The following ANKS6 variants were observed in gnomAD, a reference collection of about 807,000 sequenced individuals.
The protein encoded by ANKS6 is ankyrin repeat and sterile alpha motif domain containing 6.
ANKS6 carries 47 observed loss-of-function variants against 77.9 expected under a neutral mutation model. The ratio of observed to expected loss-of-function variants is 0.60; its 90% confidence interval spans 0.48 to 0.77. ANKS6 has a LOEUF of 0.77. ANKS6 is among the 30% of genes least tolerant of loss of function. The pLI, the probability that ANKS6 is intolerant of heterozygous loss-of-function variation, is 0.00. For missense variants in ANKS6, 1,150 were observed against 1,159.1 expected (o/e 0.99, Z 0.11); for synonymous variants, 488 against 501.7 (o/e 0.97, Z 0.37).
At chr9:98,796,075 T>C (rs1835158055) in intron 1 of ANKS6, 58 bp downstream of exon 1, 1 of 1,266,806 alleles carries the variant, frequency 7.9e-7, no homozygotes, top group Non-Finnish European at 9.9e-7. Context: ...GGGGACCGCG[T>C]CTCGGGCCAG....
At chr9:98,775,530 T>C (rs1038305333) in intron 8 of ANKS6, among the ~76,000 whole-genome samples, 2 of 152,174 alleles carry the variant, frequency 1.3e-5, no homozygotes, top group Non-Finnish European at 2.9e-5. Context: ...ATGGGAAAGA[T>C]ACTAACAGTG....
chr9:98,780,771 A>G (rs966083505), intron 5 of ANKS6, among the ~76,000 whole-genome samples: 4 of 152,222 alleles, frequency 2.6e-5, no homozygotes, highest in African/African-American at 9.7e-5. Context: ...AGAGCAATAC[A>G]AGTGCTTTAA....
intron 10 of ANKS6, among the ~76,000 whole-genome samples, chr9:98,768,507 C>T (rs889372486): frequency 6.6e-6 from 1 of 152,174 alleles, no homozygotes; most frequent in African/African-American, 2.4e-5. Context: ...CCAGTCCATC[C>T]TCGCTTTCCC....
At position 98,744,351 on chromosome 9, in the gene ANKS6, T is replaced by C. The variant is rs545564511; in HGVS notation, c.2511+1208A>G. Among the ~76,000 whole-genome samples the C allele has an allele frequency of 8.1e-4, 124 of 152,290 alleles. 1 individual carries two copies. The highest frequency in any genetic ancestry group is 2.9e-3 in the African/African-American group (120 of 41,562). On this transcript the variant is annotated intron_variant, in intron 14 of 14. Transcript: ENST00000353234. ...GAGCCGCCTCTGCACAGCACAGTGC[T>C]GCAGAGAGGTGAAGAGAAAGAGGCC...
intron 14 of ANKS6, among the ~76,000 whole-genome samples, chr9:98,737,334 C>G (rs1588310692): frequency 1.3e-5 from 2 of 152,180 alleles, no homozygotes; most frequent in East Asian, 3.8e-4. Context: ...ACCCTAAAGA[C>G]AGCTCCAGAA....
At chr9:98,780,464 A>T (rs1834180473) in intron 5 of ANKS6, 127 bp from the exon 6 acceptor site, 1 of 1,133,484 alleles carries the variant, frequency 8.8e-7, no homozygotes, top group Non-Finnish European at 1.2e-6. Context: ...TAATTCCAGA[A>T]TCAAGGCACC....
At chr9:98,770,788 T>C (rs755876065) in intron 10 of ANKS6, 108 bp downstream of exon 10, 43 of 1,156,788 alleles carry the variant, frequency 3.7e-5, no homozygotes, top group Non-Finnish European at 4.7e-5. Flanking sequence ...AAGTGCCTCT[T>C]GCGTGGTCAT....
intron 10 of ANKS6, among the ~76,000 whole-genome samples, chr9:98,769,629 A>G (rs922796677): frequency 6.6e-6 from 1 of 152,248 alleles, no homozygotes; most frequent in Non-Finnish European, 1.5e-5. Flanking sequence ...AGCAGTTTAT[A>G]GTTTAGAAAG....
At chr9:98,756,710 A>C in intron 11 of ANKS6, 107 bp from the exon 12 acceptor site, 1 of 926,910 alleles carries the variant, frequency 1.1e-6, no homozygotes, top group Non-Finnish European at 1.5e-6. Flanking sequence ...ATTCAACATG[A>C]TGTTTAACCA....
chr9:98,783,322 C>A (rs1834385837), intron 4 of ANKS6, among the ~76,000 whole-genome samples: 1 of 152,154 alleles, frequency 6.6e-6, no homozygotes, highest in African/African-American at 2.4e-5. Flanking sequence ...AAACTGTTTT[C>A]AGATGACACA....
Position 98,736,123 on chromosome 9 carries a change from T to C in ANKS6, c.*396A>G, listed in dbSNP as rs1230368618. On this transcript the variant is annotated 3_prime_UTR_variant, in exon 15 of 15. Coordinates refer to ENST00000353234, the MANE Select transcript of ANKS6 (RefSeq NM_173551.5). The stretch of plus-strand genomic sequence containing the variant: ...GTGGCCAAGAGGACGTGAGCAGGAG[T>C]GATGTGTGTCAGTTAAGAGCAAGGC... 8.7e-7 allele frequency: 1 copy of C among 1,149,390 alleles called. No homozygotes were observed. Among genetic ancestry groups the C allele is most frequent in the Middle Eastern group, 3.6e-4 (1 of 2,814 alleles). 71.2% of individuals were successfully genotyped at this position (1,149,390 alleles called of 1,614,324 possible). A position where few individuals can be genotyped will look rare whatever the true frequency, so the allele number is the denominator to read the frequency against.
intron 8 of ANKS6, among the ~76,000 whole-genome samples, chr9:98,774,656 C>A (rs998480184): frequency 2.0e-5 from 3 of 152,148 alleles, no homozygotes; most frequent in Non-Finnish European, 4.4e-5. Context: ...CTTCCCCAGC[C>A]CCCCACATCC....
At chr9:98,793,689 C>G (rs930750338) in intron 1 of ANKS6, among the ~76,000 whole-genome samples, 1 of 151,628 alleles carries the variant, frequency 6.6e-6, no homozygotes, top group Non-Finnish European at 1.5e-5. Flanking sequence ...CCCGTGCCAC[C>G]ACGCCCAGCT....
At chr9:98,767,773 A>G (rs1436784869) in intron 11 of ANKS6, among the ~76,000 whole-genome samples, 4 of 152,210 alleles carry the variant, frequency 2.6e-5, no homozygotes, top group Admixed American at 6.5e-5. Context: ...TAAACCATTC[A>G]TCCTCATCAA....
At chr9:98,792,458 A>G (rs1834953193) in intron 1 of ANKS6, among the ~76,000 whole-genome samples, 1 of 152,180 alleles carries the variant, frequency 6.6e-6, no homozygotes, top group Admixed American at 6.5e-5. Context: ...GCTGATCCAC[A>G]TCGGAGCTCA....
At chr9:98,781,830 T>G (rs1055000207) in intron 5 of ANKS6, among the ~76,000 whole-genome samples, 2 of 152,120 alleles carry the variant, frequency 1.3e-5, no homozygotes, top group Admixed American at 6.5e-5. Context: ...CAGAAGGGCC[T>G]CGGGGCTTCT....
Position 98,774,049 on chromosome 9 carries a change from G to T in ANKS6, c.1649C>A (p.Pro550Gln). The T allele has an allele frequency of 6.5e-7, 1 of 1,547,274 alleles. No individual in the cohort carries two copies. The highest frequency in any genetic ancestry group is 8.7e-7 in the Non-Finnish European group (1 of 1,144,794). The change falls in exon 9 of 15, where the codon CCG becomes CAG. Residue 550 changes from proline to glutamine, a missense_variant. By Grantham distance (76) the Pro-to-Gln change is moderately conservative. Coordinates refer to ENST00000353234, the MANE Select transcript of ANKS6 (RefSeq NM_173551.5). ...LRNGAPLTRL[P>Q]SDKLKAVIPP... ...GATGACTGCTTTCAGCTTGTCACTC[G>T]GGAGTCTGGTGAGGGGAGCTCCGTT... is the stretch of plus-strand genomic sequence containing the variant.
At position 98,733,650 on chromosome 9, in the gene ANKS6, G is replaced by A. The variant is rs1831324014; in HGVS notation, c.*2869C>T. On this transcript the variant is annotated 3_prime_UTR_variant, in exon 15 of 15. Transcript: ENST00000353234. ...TCCAGTCTTGCAAAAGCACCTTGGAGAAGTGATGAGAGTAATGTGGGAGAT... is the reference window on the plus strand; with the variant it reads ...TCCAGTCTTGCAAAAGCACCTTGGAAAAGTGATGAGAGTAATGTGGGAGAT... 3 of 985,492 alleles carry A rather than the reference G, an allele frequency of 3.0e-6. No homozygotes were observed. Among genetic ancestry groups the A allele is most frequent in the Non-Finnish European group, 3.6e-6 (3 of 829,960 alleles). 61.0% of individuals were successfully genotyped at this position (985,492 alleles called of 1,614,324 possible). A position where few individuals can be genotyped will look rare whatever the true frequency, so the allele number is the denominator to read the frequency against.
chr9:98,788,151 C>T (rs561419634), intron 2 of ANKS6, among the ~76,000 whole-genome samples: 4 of 152,222 alleles, frequency 2.6e-5, no homozygotes, highest in Non-Finnish European at 5.9e-5. Flanking sequence ...ATGAGGGCAT[C>T]GCCATCCCAT....
Sources: gnomAD v4.1 joint callset for allele counts (sites outside exome capture counted in the v4.1 genomes callset) on GRCh38, gnomAD v4.1.1 for gene constraint, MANE v1.5 for transcripts, NCBI Gene and HGNC (gene_info 2026-07-23, HGNC 2026-07-21) for gene names.